Variants in POC1B observed in about 807,000 individuals in gnomAD.
POC1B encodes POC1 centriolar protein B.
In POC1B, 44 loss-of-function variants were observed where a neutral mutation model predicts 60.6. The observed-to-expected ratio is 0.73, with a 90% confidence interval of 0.57 to 0.93. POC1B has a LOEUF of 0.93. Among genes scored for constraint, POC1B ranks in the 40% least tolerant of loss-of-function variants. POC1B has a pLI of 0.00. For synonymous variants in POC1B, 180 were observed against 198.9 expected, an observed-to-expected ratio of 0.90 and a Z score of 0.80; for missense variants, 555 against 572.3, an observed-to-expected ratio of 0.97 and a Z score of 0.31.
At chr12:89,430,210 A>G (rs1880970827) in intron 10 of POC1B, among the ~76,000 whole-genome samples, 1 of 152,178 alleles carries the variant, frequency 6.6e-6, no homozygotes, top group African/African-American at 2.4e-5. Flanking sequence ...AATGGAGTAA[A>G]AGATACAGAT....
At chr12:89,453,768 A>T (rs1426406803) in intron 10 of POC1B, among the ~76,000 whole-genome samples, 1 of 152,222 alleles carries the variant, frequency 6.6e-6, no homozygotes, top group Non-Finnish European at 1.5e-5. Context: ...AATAACTCTG[A>T]ACTAGTTACT....
chr12:89,506,667 CG>C (rs1869910891), intron 2 of POC1B, among the ~76,000 whole-genome samples: 1 of 152,100 alleles, frequency 6.6e-6, no homozygotes, highest in Non-Finnish European at 1.5e-5. Context: ...TAGTGCAAAA[CG>C]TAAATGTGAA....
At chr12:89,473,612 G>A (rs1882991376) in intron 4 of POC1B, among the ~76,000 whole-genome samples, 2 of 135,406 alleles carry the variant, frequency 1.5e-5, no homozygotes, top group South Asian at 4.7e-4. Context: ...AGTAAGCTGC[G>A]ATTGTGCCAC....
intron 10 of POC1B, among the ~76,000 whole-genome samples, chr12:89,446,657 G>T (rs1021599835): frequency 1.7e-4 from 26 of 151,772 alleles, no homozygotes; most frequent in Admixed American, 1.6e-3. Flanking sequence ...TGTAAATGAC[G>T]AGTTAATGGG....
intron 2 of POC1B, 120 bp downstream of exon 2, chr12:89,525,000 C>T: frequency 7.0e-7 from 1 of 1,437,142 alleles, no homozygotes; most frequent in South Asian, 1.3e-5. Flanking sequence ...TCTCCGGGTG[C>T]TCTCAACCCT....
intron 3 of POC1B, 179 bp downstream of exon 3, chr12:89,496,992 A>AG: frequency 1.5e-6 from 1 of 652,636 alleles, no homozygotes; most frequent in South Asian, 2.2e-5. Flanking sequence ...TTCAAAAAGA[A>AG]GACATAATTT....
intron 11 of POC1B, among the ~76,000 whole-genome samples, chr12:89,422,077 T>C (rs73450562): frequency 0.066 from 9,978 of 151,988 alleles, 788 homozygotes; most frequent in East Asian, 0.26. Context: ...AAATGAAACA[T>C]AGATTATTCA....
intron 3 of POC1B, among the ~76,000 whole-genome samples, chr12:89,496,638 C>T (rs1378783500): frequency 2.0e-5 from 3 of 152,116 alleles, no homozygotes; most frequent in African/African-American, 4.8e-5. Context: ...TGAAAAGTCT[C>T]GTTACAGAGA....
rs542149876 is a variant in POC1B at position 89,470,179 on chromosome 12, A to G, written c.810+182T>C. Among the ~76,000 whole-genome samples the G allele has an allele frequency of 5.9e-5, 9 of 152,300 alleles. No homozygotes were observed. In the East Asian group the frequency reaches 9.6e-4, roughly 16 times the overall value. On this transcript the variant is annotated intron_variant, in intron 7 of 11. Coordinates refer to ENST00000313546, the MANE Select transcript of POC1B (RefSeq NM_172240.3). ...GAGCCACCACGCCCAGCCACAAATA[A>G]TATTTCTAAGAGTTGCTTCCAGAGG...
chr12:89,421,097 T>G lies in POC1B; in HGVS notation c.*56A>C. ...ATCTTGTACTACCTTCCTGAGTGTA[T>G]GTACATTTGTTCATTTATTGGGCCT... On this transcript the variant is annotated 3_prime_UTR_variant, in exon 12 of 12. Transcript: ENST00000313546. The G allele has an allele frequency of 7.5e-7, 1 of 1,324,998 alleles. No homozygotes were observed. Among genetic ancestry groups the G allele is most frequent in the Middle Eastern group, 2.1e-4 (1 of 4,782 alleles). 82.1% of individuals were successfully genotyped at this position (1,324,998 alleles called of 1,614,324 possible).
In POC1B at chr12:89,511,386, A is replaced by C. The variant is rs112572504; in HGVS notation, c.100+13734T>G. Among the ~76,000 whole-genome samples the C allele has an allele frequency of 6.6e-3, 1,007 of 151,778 alleles. 11 individuals are homozygous for C. The highest frequency in any genetic ancestry group is 0.024 in the African/African-American group (972 of 41,296). Reference sequence around the variant, plus strand: ...AGCTGAGATGGTGCCACTGCACTCCAGCCTGGGCAACAAAGTGAGACTCTG... The same window carrying C: ...AGCTGAGATGGTGCCACTGCACTCCCGCCTGGGCAACAAAGTGAGACTCTG... On this transcript the variant is annotated intron_variant, in intron 2 of 11. Transcript: ENST00000313546.
chr12:89,478,305 G>T (rs1373225983), intron 4 of POC1B, among the ~76,000 whole-genome samples: 1 of 152,156 alleles, frequency 6.6e-6, no homozygotes, highest in Admixed American at 6.5e-5. Context: ...TTTTAGTAGA[G>T]ATGGGGTTTC....
intron 4 of POC1B, among the ~76,000 whole-genome samples, chr12:89,481,197 G>C (rs990559078): frequency 6.6e-6 from 1 of 152,158 alleles, no homozygotes; most frequent in African/African-American, 2.4e-5. Flanking sequence ...ATTTTCCTTG[G>C]CTATTCTTGC....
At chr12:89,498,706 G>T (rs1869384390) in intron 2 of POC1B, among the ~76,000 whole-genome samples, 1 of 152,068 alleles carries the variant, frequency 6.6e-6, no homozygotes, top group African/African-American at 2.4e-5. Flanking sequence ...AATTACTAAA[G>T]ATTTATAGCA....
intron 4 of POC1B, among the ~76,000 whole-genome samples, chr12:89,488,801 T>A (rs1022542141): frequency 6.6e-6 from 1 of 152,166 alleles, no homozygotes; most frequent in Non-Finnish European, 1.5e-5. Flanking sequence ...GCAGCTATTA[T>A]TATTATTCAG....
At chr12:89,436,014 G>C (rs896549453) in intron 10 of POC1B, among the ~76,000 whole-genome samples, 19 of 150,636 alleles carry the variant, frequency 1.3e-4, no homozygotes, top group African/African-American at 4.4e-4. Flanking sequence ...GCACGATCTC[G>C]ACTCACCACA....
chr12:89,454,447 C>A (rs1882174476), intron 10 of POC1B, among the ~76,000 whole-genome samples: 1 of 152,202 alleles, frequency 6.6e-6, no homozygotes, highest in Non-Finnish European at 1.5e-5. Flanking sequence ...CCCAGCCTGT[C>A]CTCTTACAGC....
chr12:89,412,620 T>C, the POC1B span, among the ~76,000 whole-genome samples: 93 of 150,922 alleles, frequency 6.2e-4, no homozygotes, highest in Admixed American at 7.3e-4. Flanking sequence ...GAAGTTGCAG[T>C]GAGCCGAGAT....
At chr12:89,455,469 A>G (rs1361883923) in intron 10 of POC1B, among the ~76,000 whole-genome samples, 1 of 152,226 alleles carries the variant, frequency 6.6e-6, no homozygotes, top group East Asian at 1.9e-4. Flanking sequence ...ACATTTATGT[A>G]TACTTGACAT....
Sources: gnomAD v4.1 joint callset for allele counts (sites outside exome capture counted in the v4.1 genomes callset) on GRCh38, gnomAD v4.1.1 for gene constraint, MANE v1.5 for transcripts, NCBI Gene and HGNC (gene_info 2026-07-23, HGNC 2026-07-21) for gene names.